NUP210: variants seen among roughly 807,000 people sequenced by gnomAD.
NUP210 encodes the protein nuclear pore membrane glycoprotein 210.
Under a neutral mutation model 196.0 loss-of-function variants are expected in NUP210, and 151 were observed. The observed-to-expected ratio is 0.77, with a 90% CI of 0.67 to 0.88. NUP210 has a LOEUF of 0.88. Among genes scored for constraint, NUP210 ranks in the 40% least tolerant of loss-of-function variants. The pLI, the probability that NUP210 is intolerant of heterozygous loss-of-function variation, is 0.00. For synonymous variants in NUP210, 1,070 were observed against 1,052.7 expected, an observed-to-expected ratio of 1.02 and a Z score of -0.32; for missense variants, 2,314 against 2,493.7, an observed-to-expected ratio of 0.93 and a Z score of 1.53.
chr3:13,410,360 C>T (rs112251244), intron 1 of NUP210, among the ~76,000 whole-genome samples: 33,747 of 150,974 alleles, frequency 0.22, 5,917 homozygotes, highest in African/African-American at 0.49. Context: ...GTATTTTTAG[C>T]AGAAATGAGG....
rs1559300934 is a variant in NUP210, at chr3:13,317,905, C to A, written c.5564-124G>T. 3 of 667,792 alleles carry A rather than the reference C, an allele frequency of 4.5e-6. No homozygotes were observed. In the South Asian group the frequency reaches 5.7e-5, roughly 13 times the overall value. The allele number at this position is 667,792 out of a possible 1,614,324, so 41.4% of individuals were successfully genotyped here. On this transcript the variant is annotated intron_variant, in intron 39 of 39. Coordinates refer to ENST00000254508, the MANE Select transcript of NUP210 (RefSeq NM_024923.4). ...ACACTCTCACAGTGATGCCCCGAGG[C>A]CTCCCCGGCCAGCAGAGGGAAGTCC...
At position 13,401,259 on chromosome 3, in the gene NUP210, C is replaced by CAAAAAAAAAAAAA. The variant is rs71066952; in HGVS notation, c.168-1411_168-1399dup. Reference sequence around the variant, plus strand: ...TGGGCAACAGAGTGAGACTCTGGCTCAAAAAAAAAAAAAAAAAAAAAGGCA... The same window carrying CAAAAAAAAAAAAA: ...TGGGCAACAGAGTGAGACTCTGGCTCAAAAAAAAAAAAAAAAAAAAAAAAAAAAAAAAAAGGCA... On this transcript the variant is annotated intron_variant, in intron 1 of 39. Coordinates refer to ENST00000254508, the MANE Select transcript of NUP210 (RefSeq NM_024923.4). Among the ~76,000 whole-genome samples, 37 of 43,826 alleles carry CAAAAAAAAAAAAA rather than the reference C, an allele frequency of 8.4e-4. 6 individuals are homozygous for CAAAAAAAAAAAAA. Among genetic ancestry groups the CAAAAAAAAAAAAA allele is most frequent in the East Asian group, 2.3e-3 (3 of 1,312 alleles). 28.8% of individuals were successfully genotyped at this position (43,826 alleles called of 152,430 possible). A position where few individuals can be genotyped will look rare whatever the true frequency, so the allele number is the denominator to read the frequency against.
intron 1 of NUP210, among the ~76,000 whole-genome samples, chr3:13,414,247 A>C (rs1700271401): frequency 6.6e-6 from 1 of 152,270 alleles, no homozygotes; most frequent in Non-Finnish European, 1.5e-5. Flanking sequence ...AACGGTGCCC[A>C]AAGGCAGTGT....
chr3:13,332,124 G>A (rs1199425191), intron 29 of NUP210, among the ~76,000 whole-genome samples, 169 bp downstream of exon 29: 1 of 152,192 alleles, frequency 6.6e-6, no homozygotes, highest in Non-Finnish European at 1.5e-5. Flanking sequence ...AAGAAGCAGA[G>A]GAGCACCACA....
Position 13,420,250 on chromosome 3 carries a change from G to A in NUP210, c.-24C>T. 1 of 1,073,810 alleles carries A rather than the reference G, an allele frequency of 9.3e-7. No homozygotes were observed. The highest frequency in any genetic ancestry group is 1.1e-6 in the Non-Finnish European group (1 of 887,934). The allele number at this position is 1,073,810 out of a possible 1,614,324, so 66.5% of individuals were successfully genotyped here. A position where few individuals can be genotyped will look rare whatever the true frequency, so the allele number is the denominator to read the frequency against. On this transcript the variant is annotated 5_prime_UTR_variant, in exon 1 of 40. Transcript: ENST00000254508. The surrounding 1 kb of genome is among the most constrained non-coding windows in gnomAD (Gnocchi z 4.8). ...ATCCTCGCCGCGCGTCACCTCCCGC[G>A]ACCCTGCGCCCGGCCGCCCGCGCCG... is the stretch of plus-strand genomic sequence containing the variant.
intron 31 of NUP210, among the ~76,000 whole-genome samples, chr3:13,327,652 G>A (rs1438635656): frequency 1.3e-5 from 2 of 152,238 alleles, no homozygotes; most frequent in Non-Finnish European, 2.9e-5. Flanking sequence ...TGTCATGCCA[G>A]AAAGCACATG....
intron 17 of NUP210, 24 bp downstream of exon 17, chr3:13,353,891 C>A (rs1233447858): frequency 1.3e-6 from 2 of 1,590,002 alleles, no homozygotes; most frequent in South Asian, 1.1e-5. Context: ...CCTGCCTGGG[C>A]CATCAGGCTT....
rs796408624 is a variant in NUP210, at chr3:13,348,795, C to T, written c.2835+3084G>A. ...GGACTCCCTCCCCCTCCTTGAGGCA[C>T]GGCGCTGAGAAAACATCCTCTTTGC... On this transcript the variant is annotated intron_variant, in intron 20 of 39. Coordinates refer to ENST00000254508, the MANE Select transcript of NUP210 (RefSeq NM_024923.4). This position sits in a 1 kb window ranked among gnomAD's most constrained non-coding sequence, Gnocchi z 4.0. 50 of 985,378 alleles carry T rather than the reference C, an allele frequency of 5.1e-5. No homozygotes were observed. Among genetic ancestry groups the T allele is most frequent in the Middle Eastern group, 5.2e-4 (1 of 1,914 alleles). The allele number at this position is 985,378 out of a possible 1,614,324, so 61.0% of individuals were successfully genotyped here.
chr3:13,370,506 C>T (rs898771576), intron 13 of NUP210, among the ~76,000 whole-genome samples: 5 of 152,166 alleles, frequency 3.3e-5, no homozygotes, highest in African/African-American at 7.2e-5. Context: ...ACTTTCCTCC[C>T]GGGGACCTGA....
chr3:13,365,957 G>A lies in NUP210; in HGVS notation c.1921C>T (p.Leu641=), dbSNP rs1698514874. 7.4e-6 allele frequency: 12 copies of A among 1,614,138 alleles called. No homozygotes were observed. The highest frequency in any genetic ancestry group is 1.0e-5 in the Non-Finnish European group (12 of 1,179,946). ...GGCCCCTGGCTCACCTTGAGGGGCA[G>A]GTAGGCAGCAATGGTGATCTTGGCA... ...LSAKITIAAY[L]PLKAVDPSSV... Residue 641 remains leucine (L), a synonymous_variant, in exon 14 of 40, where the codon CTG becomes TTG. Coordinates refer to ENST00000254508, the MANE Select transcript of NUP210 (RefSeq NM_024923.4).
intron 6 of NUP210, among the ~76,000 whole-genome samples, chr3:13,385,570 G>C (rs1332760780): frequency 6.6e-6 from 1 of 152,236 alleles, no homozygotes; most frequent in Non-Finnish European, 1.5e-5. Flanking sequence ...AACAGCCCTG[G>C]AGAAGGGCAG....
chr3:13,374,271 A>G (rs1698829876), intron 11 of NUP210, among the ~76,000 whole-genome samples: 1 of 152,040 alleles, frequency 6.6e-6, no homozygotes, highest in Admixed American at 6.5e-5. Context: ...CACCATTCGC[A>G]CCCACGGTAC....
intron 2 of NUP210, among the ~76,000 whole-genome samples, chr3:13,398,746 G>A (rs1438306564): frequency 2.0e-5 from 3 of 152,098 alleles, no homozygotes; most frequent in East Asian, 1.9e-4. Context: ...ACAGGGAGAC[G>A]CCCAACTCGC....
At chr3:13,368,247 T>C (rs1294567032) in intron 13 of NUP210, among the ~76,000 whole-genome samples, 3 of 152,112 alleles carry the variant, frequency 2.0e-5, no homozygotes, top group Admixed American at 2.0e-4. Flanking sequence ...GGATAGTTTT[T>C]TCATTTTTTT....
At chr3:13,403,209 A>T (rs1399590188) in intron 1 of NUP210, among the ~76,000 whole-genome samples, 2 of 152,204 alleles carry the variant, frequency 1.3e-5, no homozygotes, top group Non-Finnish European at 2.9e-5. Flanking sequence ...CTGCCATGAC[A>T]AAACATCACA....
chr3:13,388,688 C>G (rs1439277960), intron 4 of NUP210, among the ~76,000 whole-genome samples: 1 of 152,242 alleles, frequency 6.6e-6, no homozygotes, highest in Non-Finnish European at 1.5e-5. Context: ...CAGGCTTTGT[C>G]TCCAAGATGC....
chr3:13,377,918 C>T (rs1698974103), intron 8 of NUP210, among the ~76,000 whole-genome samples: 1 of 151,772 alleles, frequency 6.6e-6, no homozygotes, highest in African/African-American at 2.4e-5. Flanking sequence ...GCAGGCCCCA[C>T]ACCACCCACC....
In NUP210 at chr3:13,354,039, G is replaced by A. The variant is rs202061472; in HGVS notation, c.2397C>T (p.Phe799=). ...GGATGCTCAGAGAGCTGAAGTTGTC[G>A]AACCGGCGGCCCTCCTGGTCGTAAG... The part of the protein sequence containing the change: ...LAAYDQEGRR[F]DNFSSLSIQW... Residue 799 remains phenylalanine, a synonymous_variant, in exon 17 of 40, where the codon TTC becomes TTT. Transcript: ENST00000254508. 8.6e-4 allele frequency: 1,383 copies of A among 1,607,186 alleles called. 20 individuals are homozygous for A. Among genetic ancestry groups the A allele is most frequent in the South Asian group, 7.2e-3 (643 of 89,606 alleles).
At position 13,325,873 on chromosome 3, in the gene NUP210, C is replaced by T. The variant is rs1163999739; in HGVS notation, c.4566G>A (p.Thr1522=). Residue 1522 remains threonine, a synonymous_variant, in exon 33 of 40, where the codon ACG becomes ACA. Transcript: ENST00000254508. ...CCACGGCCCGGGCCACAGCCACACC[C>T]GTCTTGGGGTCGATGTGGAGGATGC... is the stretch of plus-strand genomic sequence containing the variant. ...ANSILHIDPK[T]GVAVARAVGS... is the part of the protein sequence containing the mutation. The T allele has an allele frequency of 8.7e-6, 14 of 1,613,986 alleles. No individual in the cohort carries two copies. Among genetic ancestry groups the T allele is most frequent in the African/African-American group, 2.7e-5 (2 of 74,952 alleles).
Sources: gnomAD v4.1 joint callset for allele counts (sites outside exome capture counted in the v4.1 genomes callset) on GRCh38, gnomAD v4.1.1 for gene constraint, Gnocchi (gnomAD v3.1) non-coding constraint, MANE v1.5 for transcripts, NCBI Gene and HGNC (gene_info 2026-07-23, HGNC 2026-07-21) for gene names.